DIAPH3: variants seen among roughly 807,000 people sequenced by gnomAD.
DIAPH3 encodes the protein diaphanous related formin 3.
In DIAPH3, 117 loss-of-function variants were observed where a neutral mutation model predicts 144.3. The ratio of observed to expected loss-of-function variants is 0.81; its 90% CI spans 0.70 to 0.95. The LOEUF is 0.95. DIAPH3 is among the 40% of genes least tolerant of loss of function. The probability of loss-of-function intolerance (pLI) is 0.00; values close to 1 mark genes in which losing one functional copy is unlikely to be tolerated. For missense variants in DIAPH3, 1,421 were observed against 1,412.7 expected (o/e 1.01, Z -0.09); for synonymous variants, 519 against 488.9 (o/e 1.06, Z -0.81).
At chr13:59,728,068 A>G (rs922283969) in intron 27 of DIAPH3, among the ~76,000 whole-genome samples, 2 of 1,454 alleles carry the variant, frequency 1.4e-3, no homozygotes, top group African/African-American at 2.3e-3. Context: ...CAGGGCATCA[A>G]AAAAAAAAAC....
intron 27 of DIAPH3, among the ~76,000 whole-genome samples, chr13:59,712,744 A>G (rs532532409): frequency 3.9e-5 from 6 of 152,302 alleles, no homozygotes; most frequent in African/African-American, 1.4e-4. Flanking sequence ...GTTCACTTTA[A>G]TAAGTCTTCC....
At chr13:59,868,184 A>G (rs2044045237) in intron 21 of DIAPH3, among the ~76,000 whole-genome samples, 1 of 152,148 alleles carries the variant, frequency 6.6e-6, no homozygotes, top group African/African-American at 2.4e-5. Flanking sequence ...GTAGTTTCAG[A>G]AAACTCACTG....
intron 20 of DIAPH3, among the ~76,000 whole-genome samples, chr13:59,901,017 C>T (rs898574206): frequency 3.9e-5 from 6 of 152,224 alleles, no homozygotes; most frequent in African/African-American, 1.2e-4. Context: ...TCACCAATGA[C>T]ACTGCTGCTA....
At chr13:59,890,587 C>CA (rs879260275) in intron 20 of DIAPH3, among the ~76,000 whole-genome samples, 149 of 143,236 alleles carry the variant, frequency 1.0e-3, no homozygotes, top group South Asian at 2.2e-3. Flanking sequence ...TTTTAAAATA[C>CA]AAAAAAAAAA....
chr13:59,921,545 C>A (rs1160392847), intron 18 of DIAPH3, among the ~76,000 whole-genome samples: 1 of 151,656 alleles, frequency 6.6e-6, no homozygotes, highest in Non-Finnish European at 1.5e-5. Context: ...CAATACAATA[C>A]CTGAATAAAC....
chr13:60,138,455 G>A (rs754905449), intron 1 of DIAPH3, among the ~76,000 whole-genome samples: 6 of 152,180 alleles, frequency 3.9e-5, no homozygotes, highest in Non-Finnish European at 8.8e-5. Context: ...GTATAGATAA[G>A]AAGTACAAGA....
At chr13:59,819,201 T>G (rs1483294942) in intron 24 of DIAPH3, among the ~76,000 whole-genome samples, 1 of 151,852 alleles carries the variant, frequency 6.6e-6, no homozygotes, top group Non-Finnish European at 1.5e-5. Flanking sequence ...CTGAATAACT[T>G]TAATTTGCTT....
intron 24 of DIAPH3, among the ~76,000 whole-genome samples, chr13:59,824,524 G>T (rs1260891697): frequency 2.0e-5 from 3 of 152,096 alleles, no homozygotes; most frequent in Non-Finnish European, 2.9e-5. Context: ...GCCTATCATA[G>T]GCAGGTTTCA....
In DIAPH3 at chr13:59,850,638, A is replaced by G. The variant is rs368822531; in HGVS notation, c.2737+10769T>C. ...GGATTACATTTATTGATTTGCGTAT[A>G]TTGAACCAGCCTTGCATCCCAGGGA... On this transcript the variant is annotated intron_variant, in intron 22 of 27. Transcript: ENST00000400324. 1.3e-3 allele frequency among the ~76,000 whole-genome samples: 197 copies of G among 151,972 alleles called. 5 individuals are homozygous for G. In the East Asian group the frequency reaches 0.03, roughly 23 times the overall value.
chr13:59,918,845 A>G (rs886433685), intron 18 of DIAPH3, among the ~76,000 whole-genome samples: 7 of 151,918 alleles, frequency 4.6e-5, no homozygotes, highest in Admixed American at 4.6e-4. Flanking sequence ...GGACAAAATC[A>G]GCTGCCAGTG....
chr13:59,767,657 T>C (rs1024687579), intron 27 of DIAPH3, among the ~76,000 whole-genome samples: 7 of 152,088 alleles, frequency 4.6e-5, no homozygotes, highest in African/African-American at 1.7e-4. Flanking sequence ...ATAATTATAG[T>C]CCACTATGGA....
Position 59,839,359 on chromosome 13 carries a change from C to T in DIAPH3, c.2827G>A (p.Glu943Lys). The change falls in exon 23 of 28, where the codon GAG (glutamate) becomes AAG (lysine). Residue 943 changes from glutamate (E) to lysine (K), a missense_variant. Physicochemically the swap from Glu to Lys is moderately conservative, Grantham distance 56 (BLOSUM62 1). Transcript: ENST00000400324. Reference protein sequence around the residue: ...EKELETFPPPEDLHDKFVTKM... With the variant: ...EKELETFPPPKDLHDKFVTKM... ...GTCACAAACTTGTCATGCAAGTCCT[C>T]AGGAGGGGGAAAGGTTTCCAATTCC... 1.9e-6 allele frequency: 3 copies of T among 1,613,662 alleles called. No individual in the cohort carries two copies. Among genetic ancestry groups the T allele is most frequent in the Middle Eastern group, 3.3e-4 (2 of 6,050 alleles).
chr13:59,741,001 C>T (rs955966359), intron 27 of DIAPH3, among the ~76,000 whole-genome samples: 1 of 152,124 alleles, frequency 6.6e-6, no homozygotes, highest in African/African-American at 2.4e-5. Context: ...TAAGTGGTGA[C>T]CTGGAATTGT....
At chr13:60,001,706 A>G (rs2052538121) in intron 9 of DIAPH3, among the ~76,000 whole-genome samples, 1 of 152,210 alleles carries the variant, frequency 6.6e-6, no homozygotes, top group South Asian at 2.1e-4. Flanking sequence ...AAACACCATG[A>G]CTTGAACCCT....
chr13:59,871,102 C>T (rs758576494), intron 21 of DIAPH3, among the ~76,000 whole-genome samples: 10 of 151,464 alleles, frequency 6.6e-5, no homozygotes, highest in Non-Finnish European at 8.8e-5. Context: ...ATACAGGAAA[C>T]CACTGGCTTT....
At chr13:59,902,818 G>C (rs1405246061) in intron 20 of DIAPH3, among the ~76,000 whole-genome samples, 1 of 152,084 alleles carries the variant, frequency 6.6e-6, no homozygotes, top group Non-Finnish European at 1.5e-5. Flanking sequence ...AACAATGACT[G>C]AATGCTTATC....
At chr13:60,016,003 G>A in intron 6 of DIAPH3, 21 bp from the exon 7 acceptor site, 1 of 1,610,986 alleles carries the variant, frequency 6.2e-7, no homozygotes, top group Non-Finnish European at 8.5e-7. Flanking sequence ...ATAAAAAATA[G>A]CAGTGTTGGA....
chr13:59,890,193 T>G (rs778757553), intron 20 of DIAPH3, among the ~76,000 whole-genome samples: 7 of 151,868 alleles, frequency 4.6e-5, no homozygotes, highest in Non-Finnish European at 8.8e-5. Context: ...ACTACTGGAG[T>G]TCCTTTCTGC....
chr13:59,768,730 G>A (rs1042071134), intron 27 of DIAPH3, among the ~76,000 whole-genome samples: 2 of 152,160 alleles, frequency 1.3e-5, no homozygotes, highest in Non-Finnish European at 1.5e-5. Context: ...CAGAGCAGCT[G>A]TGCCTGGAGG....
Sources: gnomAD v4.1 joint callset for allele counts (sites outside exome capture counted in the v4.1 genomes callset) on GRCh38, gnomAD v4.1.1 for gene constraint, MANE v1.5 for transcripts, NCBI Gene and HGNC (gene_info 2026-07-23, HGNC 2026-07-21) for gene names.